ARHGAP24: variants seen among roughly 807,000 people sequenced by gnomAD.
The protein encoded by ARHGAP24 is rho GTPase-activating protein 24.
Under a neutral mutation model 76.4 loss-of-function variants are expected in ARHGAP24, and 50 were observed. The ratio of observed to expected loss-of-function variants is 0.65; its 90% confidence interval spans 0.52 to 0.83. The LOEUF is 0.83. Among genes scored for constraint, ARHGAP24 ranks in the 40% least tolerant of loss-of-function variants. ARHGAP24 has a pLI of 0.00. For missense variants in ARHGAP24, 930 were observed against 914.2 expected, an observed-to-expected ratio of 1.02 and a Z score of -0.22; for synonymous variants, 345 against 323.3, an observed-to-expected ratio of 1.07 and a Z score of -0.72.
At chr4:85,872,853 C>G (rs1447225464) in intron 3 of ARHGAP24, among the ~76,000 whole-genome samples, 1 of 152,040 alleles carries the variant, frequency 6.6e-6, no homozygotes, top group East Asian at 1.9e-4. Flanking sequence ...CCACCCGCCT[C>G]AGCCTCCCTA....
rs1739014933 is a variant in ARHGAP24 at position 85,972,017 on chromosome 4, C to T, written c.600-19C>T. 6.2e-7 allele frequency: 1 copy of T among 1,613,964 alleles called. No homozygotes were observed. The highest frequency in any genetic ancestry group is 8.5e-7 in the Non-Finnish European group (1 of 1,179,946). On this transcript the variant is annotated intron_variant, in intron 5 of 9. Transcript: ENST00000395184. ...TGAAGTTTACTCCAAAGAATATCTT[C>T]ACACTTCTGTCTCCACAGCAACACA...
chr4:85,598,944 C>A (rs1001867137), intron 2 of ARHGAP24, among the ~76,000 whole-genome samples: 1 of 151,470 alleles, frequency 6.6e-6, no homozygotes, highest in Non-Finnish European at 1.5e-5. Context: ...GAATATATCT[C>A]AAATATTAAT....
At chr4:85,849,619 T>G (rs1731101893) in intron 3 of ARHGAP24, among the ~76,000 whole-genome samples, 1 of 152,174 alleles carries the variant, frequency 6.6e-6, no homozygotes, top group East Asian at 1.9e-4. Context: ...TGAGATACAT[T>G]CCATCAATAC....
intron 2 of ARHGAP24, among the ~76,000 whole-genome samples, chr4:85,601,165 C>T (rs1720016475): frequency 6.6e-6 from 1 of 151,980 alleles, no homozygotes; most frequent in Non-Finnish European, 1.5e-5. Context: ...TATTGCTTTC[C>T]ATTTCTCAAC....
At chr4:85,773,336 T>C (rs1727197768) in intron 3 of ARHGAP24, among the ~76,000 whole-genome samples, 1 of 152,252 alleles carries the variant, frequency 6.6e-6, no homozygotes, top group South Asian at 2.1e-4. Context: ...ACCCATTTCC[T>C]TGAGGATAAA....
chr4:85,686,067 G>A (rs764982322), intron 2 of ARHGAP24, among the ~76,000 whole-genome samples: 9 of 152,214 alleles, frequency 5.9e-5, no homozygotes, highest in Non-Finnish European at 7.3e-5. Context: ...TAGCATGGCT[G>A]TCTCAGGATA....
chr4:85,600,472 C>T (rs1206976965), intron 2 of ARHGAP24, among the ~76,000 whole-genome samples: 1 of 152,058 alleles, frequency 6.6e-6, no homozygotes, highest in Non-Finnish European at 1.5e-5. Flanking sequence ...TTGTGTTCTC[C>T]ACGTGAGAAG....
intron 2 of ARHGAP24, among the ~76,000 whole-genome samples, chr4:85,676,245 G>A (rs1470322009): frequency 6.6e-6 from 1 of 152,142 alleles, no homozygotes; most frequent in Non-Finnish European, 1.5e-5. Flanking sequence ...ACACTGGGCT[G>A]CCAAACCTGC....
intron 2 of ARHGAP24, among the ~76,000 whole-genome samples, chr4:85,625,752 C>T (rs577052854): frequency 6.6e-6 from 1 of 152,274 alleles, no homozygotes; most frequent in South Asian, 2.1e-4. Context: ...AATCTGGGTG[C>T]TCCTGTATTG....
intron 3 of ARHGAP24, among the ~76,000 whole-genome samples, chr4:85,885,758 T>C (rs2148773157): frequency 6.6e-6 from 1 of 152,270 alleles, no homozygotes; most frequent in East Asian, 1.9e-4. Flanking sequence ...TAAAATGGTA[T>C]GTTGTTATGG....
At chr4:85,768,163 ATAAT>A (rs1726997452) in intron 3 of ARHGAP24, among the ~76,000 whole-genome samples, 1 of 152,200 alleles carries the variant, frequency 6.6e-6, no homozygotes, top group Admixed American at 6.5e-5. Context: ...TAAAAATAAA[ATAAT>A]TAAAAAGAAA....
intron 2 of ARHGAP24, among the ~76,000 whole-genome samples, chr4:85,687,935 C>G (rs1353147818): frequency 6.6e-6 from 1 of 152,096 alleles, no homozygotes; most frequent in Non-Finnish European, 1.5e-5. Flanking sequence ...CCTCAGCCTC[C>G]TGAGTAGTTG....
At chr4:85,618,397 G>A (rs1450142777) in intron 2 of ARHGAP24, among the ~76,000 whole-genome samples, 4 of 152,124 alleles carry the variant, frequency 2.6e-5, no homozygotes, top group African/African-American at 4.8e-5. Flanking sequence ...ATGGTCACAA[G>A]TTGATTCCAT....
At chr4:85,584,697 T>C (rs947991485) in intron 2 of ARHGAP24, among the ~76,000 whole-genome samples, 1 of 152,006 alleles carries the variant, frequency 6.6e-6, no homozygotes, top group African/African-American at 2.4e-5. Context: ...AAAAAATAAA[T>C]ATTCTGTAGA....
intron 2 of ARHGAP24, among the ~76,000 whole-genome samples, chr4:85,571,794 A>C (rs765214956): frequency 5.9e-5 from 9 of 152,354 alleles, no homozygotes; most frequent in Non-Finnish European, 1.2e-4. Context: ...AATACTTAAA[A>C]TAATCCTATG....
intron 2 of ARHGAP24, among the ~76,000 whole-genome samples, chr4:85,613,689 A>G (rs1720464097): frequency 6.6e-6 from 1 of 152,232 alleles, no homozygotes; most frequent in African/African-American, 2.4e-5. Context: ...TATACTAGCC[A>G]GGAACCTGCT....
chr4:85,854,111 G>C (rs1425780875), intron 3 of ARHGAP24, among the ~76,000 whole-genome samples: 1 of 146,266 alleles, frequency 6.8e-6, no homozygotes, highest in Non-Finnish European at 1.5e-5. Context: ...CTCCAGCATG[G>C]GTGAAAAGAG....
intron 1 of ARHGAP24, among the ~76,000 whole-genome samples, chr4:85,547,458 CAG>C (rs1725962204): frequency 6.6e-6 from 1 of 151,452 alleles, no homozygotes; most frequent in Admixed American, 6.6e-5. Context: ...TTTTTTCAGA[CAG>C]AATCTCTCTC....
intron 8 of ARHGAP24, among the ~76,000 whole-genome samples, chr4:85,985,326 T>C (rs536995900): frequency 6.6e-6 from 1 of 152,278 alleles, no homozygotes; most frequent in South Asian, 2.1e-4. Flanking sequence ...GAGCATGTCT[T>C]TGCAGGGACA....
Sources: gnomAD v4.1 joint callset for allele counts (sites outside exome capture counted in the v4.1 genomes callset) on GRCh38, gnomAD v4.1.1 for gene constraint, MANE v1.5 for transcripts, NCBI Gene and HGNC (gene_info 2026-07-23, HGNC 2026-07-21) for gene names.